The following STEAP1B variants were observed in gnomAD, a reference collection of about 807,000 sequenced individuals.
The protein encoded by STEAP1B is STEAP family member 1B.
Under a neutral mutation model 27.9 loss-of-function variants are expected in STEAP1B, and 13 were observed. That is an observed-to-expected ratio of 0.47 (90% CI 0.30 to 0.74). The LOEUF (loss-of-function observed/expected upper bound fraction) is 0.74, where lower values mean the gene tolerates loss of function less well. Among genes scored for constraint, STEAP1B ranks in the 30% least tolerant of loss-of-function variants. STEAP1B has a pLI of 0.06. For synonymous variants in STEAP1B, 86 were observed against 107.1 expected (o/e 0.80, Z 1.22); for missense variants, 250 against 298.7 (o/e 0.84, Z 1.20).
At chr7:22,439,299 C>T (rs911660282) in intron 4 of STEAP1B, among the ~76,000 whole-genome samples, 5 of 152,114 alleles carry the variant, frequency 3.3e-5, no homozygotes, top group East Asian at 3.8e-4. Context: ...ATTCCAAGTC[C>T]GTACATACAA....
At chr7:22,490,130 C>G (rs1786295090) in intron 4 of STEAP1B, among the ~76,000 whole-genome samples, 1 of 151,928 alleles carries the variant, frequency 6.6e-6, no homozygotes, top group Admixed American at 6.5e-5. Flanking sequence ...TTCGATTTAT[C>G]TTTTTCTTCA....
chr7:22,438,518 T>C, intron 4 of STEAP1B: 1 of 1,551,316 alleles, frequency 6.4e-7, no homozygotes, highest in Non-Finnish European at 8.7e-7. Flanking sequence ...AGCAATAACT[T>C]GTCTTTTTTA....
At chr7:22,466,978 A>C (rs1785796185) in intron 4 of STEAP1B, among the ~76,000 whole-genome samples, 1 of 152,252 alleles carries the variant, frequency 6.6e-6, no homozygotes, top group Non-Finnish European at 1.5e-5. Context: ...GTACTATAGA[A>C]GTTAACAAAT....
intron 4 of STEAP1B, among the ~76,000 whole-genome samples, chr7:22,480,634 C>A (rs1420704865): frequency 6.6e-6 from 1 of 152,220 alleles, no homozygotes; most frequent in African/African-American, 2.4e-5. Context: ...ATTTTCCAGG[C>A]ACACTGTCTA....
chr7:22,476,419 C>G (rs1041866555), intron 4 of STEAP1B, among the ~76,000 whole-genome samples: 1 of 152,118 alleles, frequency 6.6e-6, no homozygotes, highest in Non-Finnish European at 1.5e-5. Context: ...GTGGGCTGGA[C>G]AGGAGAACTA....
chr7:22,483,681 A>C (rs564952302), intron 4 of STEAP1B, among the ~76,000 whole-genome samples: 1 of 152,236 alleles, frequency 6.6e-6, no homozygotes, highest in African/African-American at 2.4e-5. Context: ...TTACTACCGT[A>C]ATTGTTTTGG....
intron 4 of STEAP1B, among the ~76,000 whole-genome samples, chr7:22,459,130 C>G (rs777992218): frequency 7.9e-5 from 12 of 152,176 alleles, no homozygotes; most frequent in Non-Finnish European, 1.5e-4. Flanking sequence ...TTGACACACT[C>G]CATGCTGTTT....
At chr7:22,428,102 A>G (rs1785131662) in intron 4 of STEAP1B, among the ~76,000 whole-genome samples, 1 of 152,164 alleles carries the variant, frequency 6.6e-6, no homozygotes, top group Admixed American at 6.5e-5. Flanking sequence ...GGCCAGACAT[A>G]GGATGGAATC....
intron 4 of STEAP1B, among the ~76,000 whole-genome samples, chr7:22,466,146 G>A (rs1434980726): frequency 6.6e-6 from 1 of 152,176 alleles, no homozygotes. Context: ...TTGGCTCACA[G>A]TGCTAAAATA....
intron 1 of STEAP1B, among the ~76,000 whole-genome samples, chr7:22,499,091 AGT>A (rs1376956722): frequency 6.6e-6 from 1 of 152,254 alleles, no homozygotes; most frequent in Non-Finnish European, 1.5e-5. Flanking sequence ...AAAACAACCT[AGT>A]GTTAAAATGT....
chr7:22,454,857 A>G (rs1369662750), intron 4 of STEAP1B, among the ~76,000 whole-genome samples: 1 of 68,102 alleles, frequency 1.5e-5, no homozygotes, highest in Non-Finnish European at 2.6e-5. Context: ...ATGTATATAT[A>G]TATATATATT....
chr7:22,436,251 C>T (rs1785252980), intron 4 of STEAP1B, among the ~76,000 whole-genome samples: 1 of 152,086 alleles, frequency 6.6e-6, no homozygotes, highest in Non-Finnish European at 1.5e-5. Flanking sequence ...AAAAGCTGTA[C>T]ATATGTAATG....
chr7:22,475,629 A>G (rs888556427), intron 4 of STEAP1B, among the ~76,000 whole-genome samples: 1 of 152,194 alleles, frequency 6.6e-6, no homozygotes, highest in East Asian at 1.9e-4. Flanking sequence ...CTGCATGGTA[A>G]ACACACCTGA....
At chr7:22,492,756 G>C in intron 3 of STEAP1B, 27 bp from the exon 4 acceptor site, 1 of 1,570,676 alleles carries the variant, frequency 6.4e-7, no homozygotes, top group Non-Finnish European at 8.6e-7. Flanking sequence ...AAAGAAAGAA[G>C]AAATGCAAAC....
At chr7:22,452,453 A>G (rs940701663) in intron 4 of STEAP1B, among the ~76,000 whole-genome samples, 4 of 150,330 alleles carry the variant, frequency 2.7e-5, no homozygotes, top group Non-Finnish European at 6.0e-5. Flanking sequence ...CCAAACCCAA[A>G]CCCGCCGGTC....
chr7:22,469,417 C>T (rs1785842053), intron 4 of STEAP1B, among the ~76,000 whole-genome samples: 1 of 152,056 alleles, frequency 6.6e-6, no homozygotes. Context: ...TAACCTAAGT[C>T]TTCAGTGTTT....
At chr7:22,495,591 A>C (rs1786425338) in intron 1 of STEAP1B, 1 of 152,214 alleles carries the variant, frequency 6.6e-6, no homozygotes, top group Non-Finnish European at 1.5e-5. Flanking sequence ...GAAAGAAAAC[A>C]TATGTCACAG....
At chr7:22,467,853 T>C (rs768172371) in intron 4 of STEAP1B, among the ~76,000 whole-genome samples, 9 of 152,216 alleles carry the variant, frequency 5.9e-5, no homozygotes, top group Middle Eastern at 3.2e-3. Flanking sequence ...AGAGATATAG[T>C]TCAAACTCAC....
chr7:22,498,699 A>G (rs1786483672), intron 1 of STEAP1B, among the ~76,000 whole-genome samples: 1 of 152,232 alleles, frequency 6.6e-6, no homozygotes, highest in African/African-American at 2.4e-5. Flanking sequence ...AAAGTTTTAT[A>G]GGCAGATGGT....
Sources: gnomAD v4.1 joint callset for allele counts (sites outside exome capture counted in the v4.1 genomes callset) on GRCh38, gnomAD v4.1.1 for gene constraint, MANE v1.5 for transcripts, NCBI Gene and HGNC (gene_info 2026-07-23, HGNC 2026-07-21) for gene names.